TMC2: variants seen among roughly 807,000 people sequenced by gnomAD.
TMC2 encodes the protein transmembrane channel like 2.
Under a neutral mutation model 105.9 loss-of-function variants are expected in TMC2, and 102 were observed. The ratio of observed to expected loss-of-function variants is 0.96; its 90% CI spans 0.82 to 1.14. The LOEUF (loss-of-function observed/expected upper bound fraction) is 1.14. TMC2 is among the 50% of genes most tolerant of loss of function. TMC2 has a pLI of 0.00. For synonymous variants in TMC2, 402 were observed against 422.8 expected (o/e 0.95, Z 0.60); for missense variants, 1,093 against 1,134.3 (o/e 0.96, Z 0.52).
At chr20:2,612,583 A>G (rs943580539) in intron 13 of TMC2, among the ~76,000 whole-genome samples, 1 of 152,246 alleles carries the variant, frequency 6.6e-6, no homozygotes, top group Non-Finnish European at 1.5e-5. Flanking sequence ...CAATTTTTCC[A>G]AAAACATAGT....
chr20:2,566,209 TA>T (rs1457800439), intron 4 of TMC2, among the ~76,000 whole-genome samples: 1 of 152,184 alleles, frequency 6.6e-6, no homozygotes, highest in Non-Finnish European at 1.5e-5. Flanking sequence ...TTCTCACTTG[TA>T]AAATGGGAAT....
At chr20:2,615,510 A>AC (rs1404758260) in intron 14 of TMC2, among the ~76,000 whole-genome samples, 2 of 152,152 alleles carry the variant, frequency 1.3e-5, no homozygotes, top group Non-Finnish European at 2.9e-5. Context: ...CTTCATGAGG[A>AC]CCCTCATATC....
chr20:2,557,676 A>T (rs903250540), intron 2 of TMC2, among the ~76,000 whole-genome samples: 7 of 152,188 alleles, frequency 4.6e-5, no homozygotes, highest in African/African-American at 1.7e-4. Flanking sequence ...AATTACAGAC[A>T]TGCACCACCA....
In TMC2 at chr20:2,641,183, G is replaced by T. The variant is rs771877148; in HGVS notation, c.2553G>T (p.Ala851=). The T allele has an allele frequency of 6.2e-7, 1 of 1,613,944 alleles. No homozygotes were observed. The highest frequency in any genetic ancestry group is 8.5e-7 in the Non-Finnish European group (1 of 1,180,034). The change falls in exon 20 of 20, where the codon GCG becomes GCT. Residue 851 remains alanine, a synonymous_variant. Coordinates refer to ENST00000358864, the MANE Select transcript of TMC2 (RefSeq NM_080751.3). ...AAAGCCAGGCCATGGACAAGAAGGC[G>T]CAGGGCCCTGGGACCTCCAATTCTG... is the stretch of plus-strand genomic sequence containing the variant. ...ASQSQAMDKK[A]QGPGTSNSAS...
chr20:2,570,972 C>T (rs917948376), intron 4 of TMC2, among the ~76,000 whole-genome samples: 11 of 152,050 alleles, frequency 7.2e-5, no homozygotes, highest in African/African-American at 2.7e-4. Flanking sequence ...ACTGGACCCC[C>T]GCCTCTCACC....
chr20:2,562,782 C>A (rs1347225436), intron 4 of TMC2, among the ~76,000 whole-genome samples: 1 of 152,026 alleles, frequency 6.6e-6, no homozygotes, highest in Non-Finnish European at 1.5e-5. Context: ...CCCGTCTCTA[C>A]TAAAAAGACA....
chr20:2,567,480 A>G (rs1360635042), intron 4 of TMC2, among the ~76,000 whole-genome samples: 1 of 152,224 alleles, frequency 6.6e-6, no homozygotes, highest in African/African-American at 2.4e-5. Context: ...CTCAAACTAA[A>G]TGACAAAAGA....
intron 19 of TMC2, 112 bp downstream of exon 19, chr20:2,637,703 C>A: frequency 2.7e-6 from 2 of 742,752 alleles, no homozygotes; most frequent in Non-Finnish European, 4.5e-6. Flanking sequence ...AGAATCCTAA[C>A]AATTATTAGC....
intron 11 of TMC2, among the ~76,000 whole-genome samples, 170 bp downstream of exon 11, chr20:2,602,471 C>T (rs980471489): frequency 6.6e-6 from 1 of 152,166 alleles, no homozygotes; most frequent in Non-Finnish European, 1.5e-5. Context: ...AAAAAGTCAC[C>T]TATTATTAGG....
At chr20:2,599,352 C>G (rs1230968844) in intron 10 of TMC2, among the ~76,000 whole-genome samples, 1 of 144,010 alleles carries the variant, frequency 6.9e-6, no homozygotes, top group Non-Finnish European at 1.5e-5. Context: ...AATCCACACA[C>G]AAATAATTTC....
intron 10 of TMC2, 40 bp downstream of exon 10, chr20:2,597,338 A>G: frequency 6.3e-7 from 1 of 1,597,488 alleles, no homozygotes; most frequent in Non-Finnish European, 8.6e-7. Flanking sequence ...GGAGAACTCT[A>G]GGTCCCTCTG....
At chr20:2,638,338 C>A (rs1227368211) in intron 19 of TMC2, among the ~76,000 whole-genome samples, 2 of 125,414 alleles carry the variant, frequency 1.6e-5, no homozygotes, top group Non-Finnish European at 3.2e-5. Context: ...GCCTGGGCAA[C>A]AGAGCAAGAC....
At chr20:2,545,822 G>GAAGGAAGAAAGAAAGA (rs773895243) in intron 2 of TMC2, among the ~76,000 whole-genome samples, 11 of 117,972 alleles carry the variant, frequency 9.3e-5, no homozygotes, top group African/African-American at 3.1e-4. Flanking sequence ...AGAGGAAGAG[G>GAAGGAAGAAAGAAAGA]AAGAAAGAAA....
chr20:2,540,515 G>A (rs541442365), intron 2 of TMC2, among the ~76,000 whole-genome samples: 3 of 151,868 alleles, frequency 2.0e-5, no homozygotes, highest in African/African-American at 7.3e-5. Context: ...ACAAAAATTA[G>A]CCAGGCTTGG....
intron 7 of TMC2, among the ~76,000 whole-genome samples, chr20:2,588,825 C>T (rs1600115518): frequency 6.6e-6 from 1 of 151,926 alleles, no homozygotes; most frequent in Non-Finnish European, 1.5e-5. Flanking sequence ...ACTTTTTTAA[C>T]CCTGTATTAA....
intron 2 of TMC2, among the ~76,000 whole-genome samples, chr20:2,545,821 G>GAAA: frequency 1.3e-5 from 1 of 74,906 alleles, no homozygotes. Flanking sequence ...AAGAGGAAGA[G>GAAA]GAAGAAAGAA....
intron 17 of TMC2, among the ~76,000 whole-genome samples, chr20:2,634,998 C>T (rs2086631308): frequency 6.6e-6 from 1 of 152,192 alleles, no homozygotes; most frequent in South Asian, 2.1e-4. Context: ...GGGAAGGTTC[C>T]AGAGACCAAA....
chr20:2,539,461 A>G (rs4815298), intron 2 of TMC2, among the ~76,000 whole-genome samples: 80,111 of 151,960 alleles, frequency 0.53, 21,222 homozygotes, highest in South Asian at 0.58. Flanking sequence ...CATTACCACA[A>G]TGAAAACCAT....
chr20:2,635,809 C>G (rs920950420), intron 17 of TMC2, 117 bp from the exon 18 acceptor site: 4 of 783,866 alleles, frequency 5.1e-6, no homozygotes, highest in African/African-American at 3.4e-5. Flanking sequence ...GTAGGACACC[C>G]ACCCAAAGCC....
Sources: gnomAD v4.1 joint callset for allele counts (sites outside exome capture counted in the v4.1 genomes callset) on GRCh38, gnomAD v4.1.1 for gene constraint, MANE v1.5 for transcripts, NCBI Gene and HGNC (gene_info 2026-07-23, HGNC 2026-07-21) for gene names.